Variants in PTPN13 observed in about 807,000 individuals in gnomAD.
PTPN13 encodes protein tyrosine phosphatase non-receptor type 13.
PTPN13 carries 191 observed loss-of-function variants against 284.0 expected under a neutral mutation model. The observed-to-expected ratio is 0.67, with a 90% CI of 0.60 to 0.76. The LOEUF is 0.76. Among genes scored for constraint, PTPN13 ranks in the 30% least tolerant of loss-of-function variants. PTPN13 has a pLI of 0.00. For synonymous variants in PTPN13, 986 were observed against 1,022.3 expected (o/e 0.96, Z 0.68); for missense variants, 2,797 against 2,939.9 (o/e 0.95, Z 1.12).
intron 40 of PTPN13, among the ~76,000 whole-genome samples, chr4:86,793,204 A>C (rs919566085): frequency 3.9e-5 from 6 of 152,220 alleles, no homozygotes; most frequent in African/African-American, 1.4e-4. Flanking sequence ...CAGGGGTTGC[A>C]ATCCTAGTCT....
intron 1 of PTPN13, among the ~76,000 whole-genome samples, chr4:86,604,714 T>C (rs1321068506): frequency 1.3e-5 from 2 of 152,016 alleles, no homozygotes; most frequent in African/African-American, 4.8e-5. Context: ...AGAAATGTTT[T>C]ATAAATACAT....
At chr4:86,718,449 G>A (rs1022236545) in intron 9 of PTPN13, among the ~76,000 whole-genome samples, 5 of 139,474 alleles carry the variant, frequency 3.6e-5, no homozygotes, top group African/African-American at 1.3e-4. Flanking sequence ...TTTAGTTAAT[G>A]GTCCACTTTT....
At chr4:86,631,181 T>C (rs991969830) in intron 1 of PTPN13, among the ~76,000 whole-genome samples, 2 of 152,184 alleles carry the variant, frequency 1.3e-5, no homozygotes, top group Admixed American at 1.3e-4. Flanking sequence ...CCTAGTACTG[T>C]GTCTAAAGGA....
chr4:86,752,540 C>T (rs752934780), intron 19 of PTPN13, among the ~76,000 whole-genome samples: 1 of 152,100 alleles, frequency 6.6e-6, no homozygotes, highest in Non-Finnish European at 1.5e-5. Flanking sequence ...TCACATATAA[C>T]GGGGCCTCAT....
At chr4:86,758,221 G>T in intron 20 of PTPN13, 39 bp from the exon 21 acceptor site, 2 of 1,398,344 alleles carry the variant, frequency 1.4e-6, no homozygotes, top group Non-Finnish European at 2.0e-6. Flanking sequence ...TAATGCCTGA[G>T]CATGTTATAT....
intron 5 of PTPN13, 106 bp downstream of exon 5, chr4:86,689,296 C>T: frequency 1.1e-6 from 1 of 870,428 alleles, no homozygotes; most frequent in Non-Finnish European, 1.7e-6. Context: ...TCAATGAAGA[C>T]TAGAAATGGA....
Position 86,796,888 on chromosome 4 carries a change from T to C in PTPN13, c.6360T>C (p.Asn2120=). 2 of 1,489,354 alleles carry C rather than the reference T, an allele frequency of 1.3e-6. No homozygotes were observed. The highest frequency in any genetic ancestry group is 2.3e-5 in the East Asian group (1 of 43,138). The allele number at this position is 1,489,354 out of a possible 1,614,324, so 92.3% of individuals were successfully genotyped here. A position where few individuals can be genotyped will look rare whatever the true frequency, so the allele number is the denominator to read the frequency against. ...TTTTATTGTAGGCCACCAAAATGAATGGCTGTGAAGAATATTGTGAAGAAA... is the reference window on the plus strand; with the variant it reads ...TTTTATTGTAGGCCACCAAAATGAACGGCTGTGAAGAATATTGTGAAGAAA... ...PEYFTEATKM[N]GCEEYCEEKV... The change falls in exon 41 of 48, where the codon AAT becomes AAC. Residue 2120 remains asparagine (N), a synonymous_variant. Coordinates refer to ENST00000411767, the MANE Select transcript of PTPN13 (RefSeq NM_080683.3).
At chr4:86,805,666 T>C (rs1388576568) in intron 44 of PTPN13, among the ~76,000 whole-genome samples, 1 of 152,350 alleles carries the variant, frequency 6.6e-6, no homozygotes, top group African/African-American at 2.4e-5. Context: ...TTTTAAAATC[T>C]TTTTAAAAAT....
At position 86,607,031 on chromosome 4, in the gene PTPN13, A is replaced by T. The variant is rs191545344; in HGVS notation, c.-6+12242A>T. Among the ~76,000 whole-genome samples the T allele has an allele frequency of 2.6e-4, 39 of 151,850 alleles. No individual in the cohort carries two copies. The East Asian group carries it at 6.7e-3, about 26-fold the overall frequency. On this transcript the variant is annotated intron_variant, in intron 1 of 47. Coordinates refer to ENST00000411767, the MANE Select transcript of PTPN13 (RefSeq NM_080683.3). ...CTTAGCATTCTTTTAAATTCATTAAACCTCTTAATCATATAAAATAAGACT... is the reference window on the plus strand; with the variant it reads ...CTTAGCATTCTTTTAAATTCATTAATCCTCTTAATCATATAAAATAAGACT...
At chr4:86,796,764 T>C (rs754520306) in intron 40 of PTPN13, 110 bp from the exon 41 acceptor site, 12 of 699,344 alleles carry the variant, frequency 1.7e-5, no homozygotes, top group Middle Eastern at 3.4e-4. Context: ...CTTTGTAATA[T>C]AAGGATGAAC....
chr4:86,790,780 A>G (rs537829518), intron 40 of PTPN13, among the ~76,000 whole-genome samples: 1 of 152,312 alleles, frequency 6.6e-6, no homozygotes, highest in African/African-American at 2.4e-5. Context: ...AGGGCCTTCA[A>G]GGGAATTTCC....
At chr4:86,802,084 C>T (rs897485113) in intron 42 of PTPN13, among the ~76,000 whole-genome samples, 2 of 151,262 alleles carry the variant, frequency 1.3e-5, no homozygotes, top group Non-Finnish European at 2.9e-5. Context: ...TGATGTGCTG[C>T]AATTTTTTCA....
At chr4:86,622,598 T>C (rs989936384) in intron 1 of PTPN13, among the ~76,000 whole-genome samples, 2 of 152,184 alleles carry the variant, frequency 1.3e-5, no homozygotes, top group African/African-American at 2.4e-5. Flanking sequence ...CTTGTTTGAA[T>C]CCTCATTTCA....
intron 40 of PTPN13, among the ~76,000 whole-genome samples, chr4:86,786,461 A>G (rs1741930704): frequency 6.6e-6 from 1 of 152,166 alleles, no homozygotes; most frequent in Admixed American, 6.5e-5. Flanking sequence ...ACACAATCTC[A>G]TCCATACATG....
chr4:86,775,456 G>A lies in PTPN13; in HGVS notation c.5695G>A (p.Gly1899Arg). Residue 1899 changes from glycine (G) to arginine (R), a missense_variant, in exon 35 of 48, where the codon GGA (glycine) becomes AGA (arginine). Coordinates refer to ENST00000411767, the MANE Select transcript of PTPN13 (RefSeq NM_080683.3). Reference sequence around the variant, plus strand: ...ATTATTTCAAGGTTTTTCCTTATGTGGAGGTCATGACAGCCTTTATCAAGT... The same window carrying A: ...ATTATTTCAAGGTTTTTCCTTATGTAGAGGTCATGACAGCCTTTATCAAGT... The part of the protein sequence containing the change: ...NKEELGFSLC[G>R]GHDSLYQVVY... The A allele has an allele frequency of 6.2e-7, 1 of 1,606,014 alleles. No homozygotes were observed. Among genetic ancestry groups the A allele is most frequent in the Non-Finnish European group, 8.5e-7 (1 of 1,172,860 alleles).
At chr4:86,694,876 G>T (rs1182443741) in intron 6 of PTPN13, among the ~76,000 whole-genome samples, 2 of 152,096 alleles carry the variant, frequency 1.3e-5, no homozygotes, top group East Asian at 3.9e-4. Flanking sequence ...TATTCTAATT[G>T]ATATAGCTTA....
intron 1 of PTPN13, among the ~76,000 whole-genome samples, chr4:86,600,025 T>G (rs1341083354): frequency 2.0e-5 from 3 of 152,188 alleles, no homozygotes; most frequent in African/African-American, 7.2e-5. Flanking sequence ...ATCCTTTTTC[T>G]TTTGCATACA....
chr4:86,753,083 T>G lies in PTPN13; in HGVS notation c.3223+18T>G, dbSNP rs898785511. The stretch of plus-strand genomic sequence containing the variant: ...AGAAAATGGTAGGTTTACAAAATGT[T>G]TTTCCCCTCATTTCCATCATTTCTT... On this transcript the variant is annotated intron_variant, in intron 20 of 47. Transcript: ENST00000411767. The G allele has an allele frequency of 7.6e-6, 12 of 1,585,988 alleles. No homozygotes were observed. Among genetic ancestry groups the G allele is most frequent in the Middle Eastern group, 3.3e-4 (2 of 6,026 alleles).
At chr4:86,797,082 G>A (rs1743425482) in intron 41 of PTPN13, among the ~76,000 whole-genome samples, 153 bp downstream of exon 41, 1 of 152,218 alleles carries the variant, frequency 6.6e-6, no homozygotes, top group African/African-American at 2.4e-5. Context: ...TTTCGGGCCA[G>A]GTGCGGTGGC....
Sources: gnomAD v4.1 joint callset for allele counts (sites outside exome capture counted in the v4.1 genomes callset) on GRCh38, gnomAD v4.1.1 for gene constraint, MANE v1.5 for transcripts, NCBI Gene and HGNC (gene_info 2026-07-23, HGNC 2026-07-21) for gene names.